Variants in ITGA1 observed in about 807,000 individuals in gnomAD.
ITGA1 encodes the protein integrin alpha-1.
In ITGA1, 85 loss-of-function variants were observed where a neutral mutation model predicts 145.9. The ratio of observed to expected loss-of-function variants is 0.58; its 90% CI spans 0.49 to 0.70. ITGA1 has a LOEUF of 0.70. ITGA1 is among the 30% of genes least tolerant of loss of function. The pLI is 0.00. For missense variants in ITGA1, 1,351 were observed against 1,418.7 expected (o/e 0.95, Z 0.77); for synonymous variants, 520 against 495.3 (o/e 1.05, Z -0.66).
intron 1 of ITGA1, among the ~76,000 whole-genome samples, chr5:52,825,901 G>A (rs907242086): frequency 3.5e-5 from 5 of 143,454 alleles, no homozygotes; most frequent in Admixed American, 2.2e-4. Context: ...CTGGGTAACA[G>A]AGTGAGACTC....
chr5:52,947,504 C>T (rs1322477843), intron 28 of ITGA1, 43 bp downstream of exon 28: 2 of 1,096,100 alleles, frequency 1.8e-6, no homozygotes, highest in Non-Finnish European at 2.8e-6. Context: ...CAATCATCAA[C>T]AGCAAACTGG....
At chr5:52,856,921 C>T (rs554006803) in intron 2 of ITGA1, among the ~76,000 whole-genome samples, 17 of 152,244 alleles carry the variant, frequency 1.1e-4, no homozygotes, top group Admixed American at 5.9e-4. Flanking sequence ...TTTCCTCACA[C>T]GAGTGGAAGT....
rs1214507336 is a variant in ITGA1, at chr5:52,954,938, A to G, written c.*2487A>G. On this transcript the variant is annotated 3_prime_UTR_variant, in exon 29 of 29. Transcript: ENST00000282588. ...ATGATTAAGAAATGTACTAGACTCT[A>G]TCATTTACTTTTAAAACATTTAATT... is the stretch of plus-strand genomic sequence containing the variant. 3 of 152,218 alleles carry G rather than the reference A, an allele frequency of 2.0e-5. No individual in the cohort carries two copies. The highest frequency in any genetic ancestry group is 4.4e-5 in the Non-Finnish European group (3 of 68,042). The allele number at this position is 152,218 out of a possible 1,614,324, so 9.4% of individuals were successfully genotyped here.
chr5:52,801,660 G>A (rs1179318239), intron 1 of ITGA1: 1 of 1,614,170 alleles, frequency 6.2e-7, no homozygotes, highest in Non-Finnish European at 8.5e-7. Context: ...TAGCCACACG[G>A]AGCCGGTATG....
intron 1 of ITGA1, among the ~76,000 whole-genome samples, chr5:52,794,334 T>C (rs1487422038): frequency 6.6e-6 from 1 of 152,038 alleles, no homozygotes; most frequent in Non-Finnish European, 1.5e-5. Flanking sequence ...AAATTAAATG[T>C]ACTTTCAAAA....
At chr5:52,857,087 A>G (rs1203524780) in intron 2 of ITGA1, among the ~76,000 whole-genome samples, 2 of 152,232 alleles carry the variant, frequency 1.3e-5, no homozygotes, top group African/African-American at 4.8e-5. Flanking sequence ...TAGAAGTCAT[A>G]GTATCATTTG....
At position 52,858,758 on chromosome 5, in the gene ITGA1, G is replaced by T. The variant is rs1371927964; in HGVS notation, c.183-2689G>T. Among the ~76,000 whole-genome samples, 10 of 152,222 alleles carry T rather than the reference G, an allele frequency of 6.6e-5. No individual in the cohort carries two copies. The East Asian group carries it at 1.9e-3, about 29-fold the overall frequency. ...TCCTGATTAATCTTTCAACATCGAT[G>T]TTAGTTGTTTATTCATCTGAAATAA... On this transcript the variant is annotated intron_variant, in intron 2 of 28. Transcript: ENST00000282588.
rs1488817931 is a variant in ITGA1 at position 52,828,517 on chromosome 5, G to T, written c.62-20848G>T. Among the ~76,000 whole-genome samples, 3 of 152,068 alleles carry T rather than the reference G, an allele frequency of 2.0e-5. No homozygotes were observed. The East Asian group carries it at 5.8e-4, about 29-fold the overall frequency. On this transcript the variant is annotated intron_variant, in intron 1 of 28. Transcript: ENST00000282588. Reference sequence around the variant, plus strand: ...TAATTGGGTTGCTTGCCTTTTTGTTGTTGAGTTGCTTCTTATTTTAAAAGA... The same window carrying T: ...TAATTGGGTTGCTTGCCTTTTTGTTTTTGAGTTGCTTCTTATTTTAAAAGA...
At chr5:52,832,458 G>T (rs1749086347) in intron 1 of ITGA1, among the ~76,000 whole-genome samples, 1 of 152,174 alleles carries the variant, frequency 6.6e-6, no homozygotes, top group Non-Finnish European at 1.5e-5. Context: ...TGATGAAATG[G>T]AAGGGTCAAA....
chr5:52,891,337 AT>A (rs143796252), intron 8 of ITGA1, among the ~76,000 whole-genome samples: 69,808 of 149,176 alleles, frequency 0.47, 16,724 homozygotes, highest in East Asian at 0.58. Flanking sequence ...GCTCACTTAG[AT>A]TGCCAATTCT....
chr5:52,886,353 A>C (rs1750046834), intron 7 of ITGA1, among the ~76,000 whole-genome samples: 1 of 152,224 alleles, frequency 6.6e-6, no homozygotes, highest in Non-Finnish European at 1.5e-5. Flanking sequence ...TCCCCATTTC[A>C]CCAGAATCCT....
chr5:52,905,171 G>A (rs965658330), intron 11 of ITGA1: 3 of 152,118 alleles, frequency 2.0e-5, no homozygotes, highest in Non-Finnish European at 4.4e-5. Context: ...ATCCAGAAGA[G>A]GGACAAATTT....
intron 20 of ITGA1, among the ~76,000 whole-genome samples, chr5:52,928,041 A>G (rs745724898): frequency 6.6e-6 from 1 of 152,154 alleles, no homozygotes; most frequent in Non-Finnish European, 1.5e-5. Context: ...CAGACACTGA[A>G]TCTGTTGGTG....
intron 1 of ITGA1, among the ~76,000 whole-genome samples, chr5:52,848,553 T>C (rs979143130): frequency 2.0e-5 from 3 of 152,312 alleles, no homozygotes; most frequent in East Asian, 1.9e-4. Context: ...AAAGTCATTA[T>C]GGTTTTTTAT....
intron 9 of ITGA1, 60 bp from the exon 10 acceptor site, chr5:52,897,395 G>A: frequency 8.9e-7 from 1 of 1,121,500 alleles, no homozygotes; most frequent in Non-Finnish European, 1.4e-6. Flanking sequence ...TATTCTGCAA[G>A]TCAGTAGTGC....
chr5:52,849,246 C>A, intron 1 of ITGA1, 119 bp from the exon 2 acceptor site: 1 of 830,018 alleles, frequency 1.2e-6, no homozygotes, highest in Non-Finnish European at 1.8e-6. Flanking sequence ...ATTCTTTGAG[C>A]TTCTTTTTTT....
Position 52,937,416 on chromosome 5 carries a change from T to C in ITGA1, c.2980T>C (p.Ser994Pro), listed in dbSNP as rs753802633. 1.9e-6 allele frequency: 3 copies of C among 1,609,846 alleles called. No homozygotes were observed. Among genetic ancestry groups the C allele is most frequent in the Admixed American group, 3.3e-5 (2 of 59,994 alleles). The change falls in exon 24 of 29, where the codon TCT becomes CCT. Residue 994 changes from serine to proline, a missense_variant. Ser to Pro is a moderately conservative substitution (Grantham distance 74). Transcript: ENST00000282588. The part of the protein sequence containing the change: ...NIFYLIRKSG[S>P]FPMPELKLSI... ...TTTCTTGTAGATTAGAAAAAGTGGA[T>C]CTTTTCCAATGCCAGAGCTTAAGCT...
intron 14 of ITGA1, among the ~76,000 whole-genome samples, chr5:52,911,120 GTATA>G (rs1257177498): frequency 2.0e-4 from 27 of 134,776 alleles, no homozygotes; most frequent in Non-Finnish European, 1.5e-5. Context: ...AGTATATAGT[GTATA>G]TATAGTTTAT....
At chr5:52,850,970 A>G (rs1351793133) in intron 2 of ITGA1, among the ~76,000 whole-genome samples, 1 of 152,242 alleles carries the variant, frequency 6.6e-6, no homozygotes, top group East Asian at 1.9e-4. Context: ...GTAAGCTATA[A>G]TAAACAGAAA....
Sources: allele counts gnomAD v4.1 joint callset (sites outside exome capture counted in the v4.1 genomes callset), GRCh38; gene constraint gnomAD v4.1.1; transcripts MANE v1.5; gene names NCBI Gene and HGNC (gene_info 2026-07-23, HGNC 2026-07-21).